Variants in ZNF804B observed in about 807,000 individuals in gnomAD.
ZNF804B encodes zinc finger 804B.
In ZNF804B, 80 loss-of-function variants were observed where a neutral mutation model predicts 101.4. That is an observed-to-expected ratio of 0.79 (90% confidence interval 0.66 to 0.95). ZNF804B has a LOEUF of 0.95. ZNF804B is among the 40% of genes least tolerant of loss of function. The pLI is 0.00. For missense variants in ZNF804B, 1,673 were observed against 1,561.9 expected, an observed-to-expected ratio of 1.07 and a Z score of -1.20; for synonymous variants, 622 against 558.8, an observed-to-expected ratio of 1.11 and a Z score of -1.59.
intron 1 of ZNF804B, among the ~76,000 whole-genome samples, chr7:89,118,177 C>T (rs1338550708): frequency 2.0e-5 from 3 of 152,096 alleles, no homozygotes; most frequent in African/African-American, 7.2e-5. Context: ...AACTCATAAT[C>T]TTACAATTGT....
chr7:89,327,437 C>G lies in ZNF804B; in HGVS notation c.343C>G (p.Leu115Val). 6.2e-7 allele frequency: 1 copy of G among 1,611,292 alleles called. No homozygotes were observed. The highest frequency in any genetic ancestry group is 8.5e-7 in the Non-Finnish European group (1 of 1,178,462). The change falls in exon 3 of 4, where the codon CTT (leucine) becomes GTT (valine). Residue 115 changes from leucine (L) to valine (V), a missense_variant. Transcript: ENST00000333190. Reference sequence around the variant, plus strand: ...AAAACAAGAAAAAGCACTTAAACGACTTCATCAGCTGGCTGAGTTAAGGCA... The same window carrying G: ...AAAACAAGAAAAAGCACTTAAACGAGTTCATCAGCTGGCTGAGTTAAGGCA... The part of the protein sequence containing the change: ...EKKQEKALKR[L>V]HQLAELRQQS...
chr7:89,292,054 T>G lies in ZNF804B; in HGVS notation c.250-35290T>G, dbSNP rs200599015. 7.2e-5 allele frequency among the ~76,000 whole-genome samples: 11 copies of G among 152,232 alleles called. No individual in the cohort carries two copies. In the East Asian group the frequency reaches 2.1e-3, roughly 29 times the overall value. ...AAAAAATTCCTAGTGAAAAAAATTC[T>G]TCAAAAATGAAAGAGAAATAAGGAC... On this transcript the variant is annotated intron_variant, in intron 2 of 3. Transcript: ENST00000333190.
intron 1 of ZNF804B, among the ~76,000 whole-genome samples, chr7:88,802,753 C>T (rs1408124787): frequency 6.6e-6 from 1 of 150,446 alleles, no homozygotes; most frequent in African/African-American, 2.4e-5. Context: ...CAACTGAGTG[C>T]TAAGGCAGAA....
intron 2 of ZNF804B, among the ~76,000 whole-genome samples, chr7:89,274,307 C>G (rs1789943941): frequency 1.1e-5 from 1 of 90,596 alleles, no homozygotes; most frequent in Non-Finnish European, 2.1e-5. Flanking sequence ...CTATCCCTCC[C>G]CCCTCCCCCC....
intron 2 of ZNF804B, among the ~76,000 whole-genome samples, chr7:89,313,712 T>C (rs973735144): frequency 1.3e-5 from 2 of 152,210 alleles, no homozygotes; most frequent in African/African-American, 2.4e-5. Context: ...TTCATAAATA[T>C]ATTTTTACAA....
chr7:88,845,978 C>T (rs971370434), intron 1 of ZNF804B, among the ~76,000 whole-genome samples: 5 of 152,160 alleles, frequency 3.3e-5, no homozygotes, highest in African/African-American at 9.7e-5. Flanking sequence ...AGAGAGAAAT[C>T]ATCAACATAG....
In ZNF804B at chr7:89,294,027, A is replaced by C. The variant is rs571796944; in HGVS notation, c.250-33317A>C. Among the ~76,000 whole-genome samples, 406 of 152,284 alleles carry C rather than the reference A, an allele frequency of 2.7e-3. 7 individuals carry two copies. Among genetic ancestry groups the C allele is most frequent in the Non-Finnish European group, 2.9e-4 (20 of 68,016 alleles). ...TATGGCAACTCTGTCATCATTTGGT[A>C]GTCTGCCTTAAGTGAGTCAAGGCTC... On this transcript the variant is annotated intron_variant, in intron 2 of 3. Coordinates refer to ENST00000333190, the MANE Select transcript of ZNF804B (RefSeq NM_181646.5).
intron 1 of ZNF804B, among the ~76,000 whole-genome samples, chr7:88,857,067 A>T (rs1791571704): frequency 6.6e-6 from 1 of 152,052 alleles, no homozygotes; most frequent in Non-Finnish European, 1.5e-5. Flanking sequence ...AACCAACGAG[A>T]ACAAAGACAC....
chr7:88,896,354 T>TACA (rs1792284967), intron 1 of ZNF804B, among the ~76,000 whole-genome samples: 1 of 152,092 alleles, frequency 6.6e-6, no homozygotes, highest in Non-Finnish European at 1.5e-5. Context: ...TCTGGAACTG[T>TACA]TTTGTGAATG....
intron 2 of ZNF804B, among the ~76,000 whole-genome samples, chr7:89,299,097 C>A (rs1011357101): frequency 6.6e-6 from 1 of 151,982 alleles, no homozygotes; most frequent in East Asian, 1.9e-4. Flanking sequence ...CTTTTCACCT[C>A]TTTGTTTTCC....
intron 1 of ZNF804B, among the ~76,000 whole-genome samples, chr7:89,106,766 A>G (rs1208193506): frequency 6.6e-6 from 1 of 152,160 alleles, no homozygotes; most frequent in Non-Finnish European, 1.5e-5. Context: ...GGTAAGTGAT[A>G]TGTTTTAGAA....
intron 2 of ZNF804B, among the ~76,000 whole-genome samples, chr7:89,259,571 A>G (rs1198070561): frequency 6.6e-6 from 1 of 152,190 alleles, no homozygotes; most frequent in Non-Finnish European, 1.5e-5. Flanking sequence ...AAGACTTTCC[A>G]TAGAATGCCA....
chr7:88,969,870 A>C (rs147054465), intron 1 of ZNF804B, among the ~76,000 whole-genome samples: 22 of 151,732 alleles, frequency 1.4e-4, no homozygotes, highest in African/African-American at 5.3e-4. Flanking sequence ...GGGGTTTAAA[A>C]ATTGTTTCGC....
At chr7:89,311,245 G>A (rs781400899) in intron 2 of ZNF804B, among the ~76,000 whole-genome samples, 6 of 152,038 alleles carry the variant, frequency 3.9e-5, no homozygotes, top group African/African-American at 7.2e-5. Context: ...TTAAAATAAC[G>A]AATACTTTTC....
chr7:89,091,611 A>G (rs1350353763), intron 1 of ZNF804B, among the ~76,000 whole-genome samples: 1 of 152,128 alleles, frequency 6.6e-6, no homozygotes, highest in African/African-American at 2.4e-5. Context: ...ATTCCTGAGG[A>G]TTTTAAATTT....
chr7:88,855,701 T>A (rs1203152561), intron 1 of ZNF804B, among the ~76,000 whole-genome samples: 2 of 152,176 alleles, frequency 1.3e-5, no homozygotes, highest in Admixed American at 6.5e-5. Context: ...CTGAATGGTA[T>A]TGCCTAGGTT....
chr7:89,227,162 A>T (rs899544053), intron 2 of ZNF804B, among the ~76,000 whole-genome samples: 4 of 152,196 alleles, frequency 2.6e-5, no homozygotes, highest in Admixed American at 2.6e-4. Flanking sequence ...GGTGGAACCT[A>T]TCCTCTAGGG....
chr7:88,995,144 C>T (rs1024211965), intron 1 of ZNF804B, among the ~76,000 whole-genome samples: 8 of 152,002 alleles, frequency 5.3e-5, no homozygotes, highest in African/African-American at 1.9e-4. Context: ...GTGCACATCA[C>T]TGATAAGCAG....
intron 2 of ZNF804B, among the ~76,000 whole-genome samples, chr7:89,308,355 TCA>T (rs1211292436): frequency 6.6e-6 from 1 of 152,100 alleles, no homozygotes; most frequent in Non-Finnish European, 1.5e-5. Context: ...GAGATCCTAT[TCA>T]GTGAGAATAT....
Sources: allele counts gnomAD v4.1 joint callset (sites outside exome capture counted in the v4.1 genomes callset), GRCh38; gene constraint gnomAD v4.1.1; transcripts MANE v1.5; gene names NCBI Gene and HGNC (gene_info 2026-07-23, HGNC 2026-07-21).